The following CSMD1 variants were observed in gnomAD, a reference collection of about 807,000 sequenced individuals.
CSMD1 encodes the protein CUB and Sushi multiple domains 1.
A neutral mutation model predicts 417.5 loss-of-function variants in CSMD1; 213 were observed. The ratio of observed to expected loss-of-function variants is 0.51; its 90% CI spans 0.46 to 0.57. The LOEUF is 0.57. CSMD1 is among the 20% of genes least tolerant of loss of function. CSMD1 has a pLI of 0.00. For missense variants in CSMD1, 6,923 were observed against 4,529.7 expected, an observed-to-expected ratio of 1.53 and a Z score of -15.17; for synonymous variants, 2,862 against 1,736.8, an observed-to-expected ratio of 1.65 and a Z score of -16.11.
intron 3 of CSMD1, among the ~76,000 whole-genome samples, chr8:4,186,385 G>C (rs757088464): frequency 6.6e-6 from 1 of 152,138 alleles, no homozygotes; most frequent in African/African-American, 2.4e-5. Flanking sequence ...CAGCATCTCT[G>C]CTCACCCCAA....
At chr8:4,001,149 G>A (rs1044012424) in intron 4 of CSMD1, among the ~76,000 whole-genome samples, 2 of 152,156 alleles carry the variant, frequency 1.3e-5, no homozygotes, top group African/African-American at 4.8e-5. Flanking sequence ...CTTTGAAATA[G>A]TCGTATTTAT....
At chr8:3,972,079 C>T (rs1813128485) in intron 5 of CSMD1, among the ~76,000 whole-genome samples, 1 of 152,044 alleles carries the variant, frequency 6.6e-6, no homozygotes, top group Non-Finnish European at 1.5e-5. Flanking sequence ...GTATGTTGCC[C>T]AGGCTGATCC....
intron 1 of CSMD1, among the ~76,000 whole-genome samples, chr8:4,855,083 C>T (rs1347694870): frequency 1.3e-5 from 2 of 152,008 alleles, no homozygotes; most frequent in African/African-American, 2.4e-5. Context: ...GGGCAGACTG[C>T]CTCCTCAAGT....
At chr8:3,833,603 C>A (rs1563126609) in intron 5 of CSMD1, among the ~76,000 whole-genome samples, 1 of 151,888 alleles carries the variant, frequency 6.6e-6, no homozygotes, top group Non-Finnish European at 1.5e-5. Flanking sequence ...ATACTTTGAA[C>A]AATAATTTCT....
At chr8:4,917,717 A>G (rs1345198644) in intron 1 of CSMD1, among the ~76,000 whole-genome samples, 1 of 152,178 alleles carries the variant, frequency 6.6e-6, no homozygotes, top group Non-Finnish European at 1.5e-5. Flanking sequence ...ATCAGTGGGA[A>G]CCCTAGAATG....
At chr8:3,994,973 C>T (rs899861136) in intron 5 of CSMD1, among the ~76,000 whole-genome samples, 3 of 152,154 alleles carry the variant, frequency 2.0e-5, no homozygotes, top group Middle Eastern at 3.2e-3. Context: ...ACCCTCCTGG[C>T]TCTGTGGAAT....
intron 1 of CSMD1, among the ~76,000 whole-genome samples, chr8:4,655,455 T>G (rs115759661): frequency 0.034 from 5,177 of 152,208 alleles, 115 homozygotes; most frequent in East Asian, 0.1. Context: ...GTTACAGACA[T>G]GGATTCTGGC....
chr8:3,875,107 C>T (rs1805728675), intron 5 of CSMD1, among the ~76,000 whole-genome samples: 1 of 146,702 alleles, frequency 6.8e-6, no homozygotes. Context: ...CCTAGAGGGG[C>T]TTCAGGAACA....
At chr8:3,368,675 G>GA (rs1285476260) in intron 19 of CSMD1, among the ~76,000 whole-genome samples, 1 of 152,076 alleles carries the variant, frequency 6.6e-6, no homozygotes, top group Non-Finnish European at 1.5e-5. Context: ...TTTAGTCACA[G>GA]AAAAAAGTTT....
At chr8:4,362,275 G>C (rs1801812192) in intron 3 of CSMD1, among the ~76,000 whole-genome samples, 1 of 152,092 alleles carries the variant, frequency 6.6e-6, no homozygotes, top group African/African-American at 2.4e-5. Context: ...CAGAACACAA[G>C]CAGTGGACTC....
At chr8:4,505,554 A>T (rs1184695803) in intron 2 of CSMD1, among the ~76,000 whole-genome samples, 2 of 152,206 alleles carry the variant, frequency 1.3e-5, no homozygotes, top group African/African-American at 2.4e-5. Flanking sequence ...TATACTATCA[A>T]AATAATGCTA....
At chr8:4,108,101 A>G (rs1338414632) in intron 3 of CSMD1, among the ~76,000 whole-genome samples, 1 of 151,944 alleles carries the variant, frequency 6.6e-6, no homozygotes, top group Non-Finnish European at 1.5e-5. Flanking sequence ...GAGAACAAGA[A>G]AAAGACGGAG....
chr8:3,529,483 G>A (rs1313613345), intron 10 of CSMD1, among the ~76,000 whole-genome samples: 5 of 152,044 alleles, frequency 3.3e-5, no homozygotes, highest in African/African-American at 9.7e-5. Context: ...GAAGAAATTG[G>A]GATTATGTGA....
At chr8:4,664,773 T>C (rs563064958) in intron 1 of CSMD1, among the ~76,000 whole-genome samples, 1 of 152,194 alleles carries the variant, frequency 6.6e-6, no homozygotes, top group South Asian at 2.1e-4. Flanking sequence ...ATTCACATAG[T>C]TTGGAACTAT....
chr8:3,671,791 G>GCC (rs1190628303), intron 7 of CSMD1, among the ~76,000 whole-genome samples: 1 of 151,790 alleles, frequency 6.6e-6, no homozygotes, highest in African/African-American at 2.4e-5. Context: ...GGAAAGAGCA[G>GCC]CCCTGGGCTT....
At chr8:3,645,231 T>C (rs1797518227) in intron 7 of CSMD1, among the ~76,000 whole-genome samples, 1 of 152,150 alleles carries the variant, frequency 6.6e-6, no homozygotes, top group Non-Finnish European at 1.5e-5. Context: ...AAAGAAGACC[T>C]CTCTAGACCA....
chr8:3,955,461 G>C (rs768609083), intron 5 of CSMD1, among the ~76,000 whole-genome samples: 20 of 152,122 alleles, frequency 1.3e-4, no homozygotes, highest in Non-Finnish European at 1.8e-4. Context: ...TAGAAATAAA[G>C]TAGAATTTTG....
chr8:3,207,386 G>A (rs965462613), intron 30 of CSMD1, among the ~76,000 whole-genome samples: 15 of 150,796 alleles, frequency 9.9e-5, no homozygotes, highest in African/African-American at 3.4e-4. Flanking sequence ...CTCATGATCC[G>A]CATGGCTCAG....
intron 7 of CSMD1, among the ~76,000 whole-genome samples, chr8:3,627,213 T>C (rs1796536989): frequency 6.6e-6 from 1 of 152,164 alleles, no homozygotes; most frequent in Non-Finnish European, 1.5e-5. Context: ...GACGCAAAAT[T>C]GAGAGAACTG....
Sources: allele counts gnomAD v4.1 joint callset (sites outside exome capture counted in the v4.1 genomes callset), GRCh38; gene constraint gnomAD v4.1.1; transcripts MANE v1.5; gene names NCBI Gene and HGNC (gene_info 2026-07-23, HGNC 2026-07-21).